Variants in CSMD3 observed in about 807,000 individuals in gnomAD.
CSMD3 encodes CUB and sushi domain-containing protein 3.
In CSMD3, 177 loss-of-function variants were observed where a neutral mutation model predicts 435.2. That is an observed-to-expected ratio of 0.41 (90% CI 0.36 to 0.46). The LOEUF is 0.46. Among genes scored for constraint, CSMD3 ranks in the 20% least tolerant of loss-of-function variants. CSMD3 has a pLI of 0.34. For missense variants in CSMD3, 4,265 were observed against 4,504.6 expected (o/e 0.95, Z 1.52); for synonymous variants, 1,656 against 1,520.5 (o/e 1.09, Z -2.07).
intron 5 of CSMD3, among the ~76,000 whole-genome samples, chr8:113,040,501 G>C (rs1010249943): frequency 1.1e-4 from 16 of 152,198 alleles, no homozygotes; most frequent in Non-Finnish European, 5.9e-5. Context: ...TCTGGGAATA[G>C]AATTGATGGC....
chr8:112,771,876 C>T (rs2078125760), intron 13 of CSMD3, among the ~76,000 whole-genome samples: 1 of 152,002 alleles, frequency 6.6e-6, no homozygotes, highest in Non-Finnish European at 1.5e-5. Context: ...TGTGGTAAAT[C>T]AGAAATGGAA....
chr8:112,669,923 A>C (rs2075617330), intron 16 of CSMD3, among the ~76,000 whole-genome samples: 1 of 152,174 alleles, frequency 6.6e-6, no homozygotes, highest in South Asian at 2.1e-4. Flanking sequence ...CAAGGATTTG[A>C]ACAAAGGCAG....
chr8:112,814,680 G>T (rs1037895850), intron 12 of CSMD3, among the ~76,000 whole-genome samples: 1 of 152,070 alleles, frequency 6.6e-6, no homozygotes, highest in Non-Finnish European at 1.5e-5. Context: ...CTACTGGGGG[G>T]CTGAGGCAGG....
At chr8:113,280,347 T>A (rs1223844400) in intron 2 of CSMD3, among the ~76,000 whole-genome samples, 1 of 151,954 alleles carries the variant, frequency 6.6e-6, no homozygotes, top group Admixed American at 6.6e-5. Context: ...TCCTACTTGT[T>A]ATTGGTCTAT....
intron 27 of CSMD3, among the ~76,000 whole-genome samples, chr8:112,523,708 G>T: frequency 6.6e-6 from 1 of 152,018 alleles, no homozygotes; most frequent in East Asian, 1.9e-4. Context: ...TTTCACCCTG[G>T]AGAATTTTGC....
intron 7 of CSMD3, among the ~76,000 whole-genome samples, chr8:112,960,049 T>A (rs1245289019): frequency 6.6e-6 from 1 of 151,852 alleles, no homozygotes; most frequent in Non-Finnish European, 1.5e-5. Context: ...TCATCAGAAT[T>A]ATCAGTTCTA....
Position 112,754,397 on chromosome 8 carries a change from AAG to A in CSMD3, c.1972+45763_1972+45764del, listed in dbSNP as rs778700959. ...TTTTAGGAATATGAAATATGTTAAG[AAG>A]AGAACCCAAGCCCTGATTTGGAGAA... On this transcript the variant is annotated intron_variant, in intron 13 of 70. Transcript: ENST00000297405. Among the ~76,000 whole-genome samples, 21 of 152,264 alleles carry A rather than the reference AAG, an allele frequency of 1.4e-4. No individual in the cohort carries two copies. The South Asian group carries it at 4.1e-3, about 30-fold the overall frequency.
At chr8:113,313,980 A>G (rs186221939) in intron 2 of CSMD3, 1 of 152,266 alleles carries the variant, frequency 6.6e-6, no homozygotes, top group East Asian at 1.9e-4. Flanking sequence ...CTACCTTAAA[A>G]ATAGTCAGGG....
chr8:112,263,455 G>A (rs1189935125), intron 61 of CSMD3, among the ~76,000 whole-genome samples, 184 bp downstream of exon 61: 5 of 152,180 alleles, frequency 3.3e-5, no homozygotes, highest in African/African-American at 1.2e-4. Flanking sequence ...ACCGTTTAGT[G>A]TAAAATTTTG....
chr8:112,295,744 A>G, intron 54 of CSMD3, 89 bp downstream of exon 54: 4 of 1,095,032 alleles, frequency 3.7e-6, no homozygotes. Flanking sequence ...ATATATAACA[A>G]CATAATATAT....
intron 13 of CSMD3, among the ~76,000 whole-genome samples, chr8:112,795,522 C>G (rs981464035): frequency 6.6e-6 from 1 of 152,052 alleles, no homozygotes; most frequent in African/African-American, 2.4e-5. Flanking sequence ...AAGAATAAGA[C>G]AGAAATGCTA....
chr8:112,583,283 G>C (rs140999231), intron 23 of CSMD3, among the ~76,000 whole-genome samples: 22 of 151,954 alleles, frequency 1.4e-4, no homozygotes, highest in African/African-American at 5.1e-4. Context: ...GGAGAGAGGA[G>C]ATGTGTGTTT....
intron 1 of CSMD3, among the ~76,000 whole-genome samples, chr8:113,330,110 T>C (rs1563708353): frequency 6.6e-6 from 1 of 152,068 alleles, no homozygotes; most frequent in African/African-American, 2.4e-5. Flanking sequence ...ACAGTAATTA[T>C]AAGACATTTC....
chr8:113,209,473 G>T (rs1037634723), intron 3 of CSMD3, among the ~76,000 whole-genome samples: 2 of 152,158 alleles, frequency 1.3e-5, no homozygotes, highest in South Asian at 2.1e-4. Flanking sequence ...AAAACACCTC[G>T]CCTAGTCTTA....
chr8:113,030,225 T>G (rs769296128), intron 5 of CSMD3, among the ~76,000 whole-genome samples: 1 of 150,124 alleles, frequency 6.7e-6, no homozygotes, highest in African/African-American at 2.4e-5. Context: ...ACAAATTCAA[T>G]GCAATCCCCA....
At position 112,647,572 on chromosome 8, in the gene CSMD3, CTGGGATT is replaced by C. The variant is rs1295298693; in HGVS notation, c.3194-2354_3194-2348del. Among the ~76,000 whole-genome samples the C allele has an allele frequency of 2.0e-4, 30 of 152,314 alleles. 1 individual carries two copies. The highest frequency in any genetic ancestry group is 6.3e-4 in the African/African-American group (26 of 41,578). ...CCTCCCGCCTCTGCCTCCCAAAGTG[CTGGGATT>C]ACAGGCGTAAGCCACCGCACCAGGC... On this transcript the variant is annotated intron_variant, in intron 19 of 70. Coordinates refer to ENST00000297405, the MANE Select transcript of CSMD3 (RefSeq NM_198123.2).
intron 32 of CSMD3, among the ~76,000 whole-genome samples, chr8:112,425,300 T>G (rs1424598905): frequency 1.3e-5 from 2 of 152,236 alleles, no homozygotes; most frequent in African/African-American, 4.8e-5. Flanking sequence ...ATGGTAAATA[T>G]TCTGACTTCA....
intron 1 of CSMD3, among the ~76,000 whole-genome samples, chr8:113,342,357 C>T (rs574041248): frequency 2.6e-5 from 4 of 152,162 alleles, no homozygotes; most frequent in South Asian, 4.1e-4. Context: ...TGTAAATAGA[C>T]GTTATAGCTG....
rs2080759132 is a variant in CSMD3 at position 112,859,333 on chromosome 8, C to A, written c.1634-67G>T. On this transcript the variant is annotated intron_variant, in intron 10 of 70. Coordinates refer to ENST00000297405, the MANE Select transcript of CSMD3 (RefSeq NM_198123.2). ...ATGTAAAATTACAACAATAAAATAT[C>A]TTGCAAATAGACTTTACATTCAAAA... The A allele has an allele frequency of 2.3e-6, 3 of 1,320,698 alleles. No homozygotes were observed. The South Asian group carries it at 3.6e-5, about 16-fold the overall frequency. The allele number at this position is 1,320,698 out of a possible 1,614,324, so 81.8% of individuals were successfully genotyped here.
Sources: allele counts gnomAD v4.1 joint callset (sites outside exome capture counted in the v4.1 genomes callset), GRCh38; gene constraint gnomAD v4.1.1; transcripts MANE v1.5; gene names NCBI Gene and HGNC (gene_info 2026-07-23, HGNC 2026-07-21).